IRAG1: variants seen among roughly 807,000 people sequenced by gnomAD.
IRAG1 encodes inositol 1,4,5-triphosphate receptor associated 1.
IRAG1 carries 62 observed loss-of-function variants against 106.2 expected under a neutral mutation model. The observed-to-expected ratio is 0.58, with a 90% CI of 0.48 to 0.72. The LOEUF (loss-of-function observed/expected upper bound fraction) is 0.72, where lower values mean the gene tolerates loss of function less well. Ranked by LOEUF, IRAG1 falls within the 30% of genes least tolerant of loss-of-function variation. IRAG1 has a pLI of 0.00. For synonymous variants in IRAG1, 462 were observed against 443.9 expected, an observed-to-expected ratio of 1.04 and a Z score of -0.51; for missense variants, 1,064 against 1,140.7, an observed-to-expected ratio of 0.93 and a Z score of 0.97.
intron 1 of IRAG1, among the ~76,000 whole-genome samples, chr11:10,656,170 T>A (rs1037126364): frequency 3.9e-5 from 6 of 152,148 alleles, no homozygotes; most frequent in African/African-American, 1.2e-4. Context: ...CACCAACCCA[T>A]AAAAGGAAAA....
At chr11:10,591,660 A>G in intron 17 of IRAG1, 48 bp from the exon 18 acceptor site, 1 of 1,500,024 alleles carries the variant, frequency 6.7e-7, no homozygotes, top group Non-Finnish European at 9.1e-7. Context: ...CTATGGAAGG[A>G]AGAAGCCAGA....
chr11:10,667,596 GA>G (rs1429580290), intron 1 of IRAG1, among the ~76,000 whole-genome samples: 3 of 152,250 alleles, frequency 2.0e-5, no homozygotes, highest in African/African-American at 7.2e-5. Context: ...CTGATAACCA[GA>G]AAATCGACTC....
chr11:10,609,999 G>A, intron 10 of IRAG1, 148 bp from the exon 11 acceptor site: 1 of 803,662 alleles, frequency 1.2e-6, no homozygotes. Flanking sequence ...CTCACAATGA[G>A]CTAGAACTTA....
chr11:10,584,984 C>A (rs2134130647), intron 18 of IRAG1, among the ~76,000 whole-genome samples: 1 of 152,272 alleles, frequency 6.6e-6, no homozygotes, highest in South Asian at 2.1e-4. Flanking sequence ...TTATTTATAT[C>A]ATCAAGGGAG....
At chr11:10,685,490 T>C (rs1861602126) in intron 1 of IRAG1, among the ~76,000 whole-genome samples, 2 of 150,120 alleles carry the variant, frequency 1.3e-5, no homozygotes, top group Admixed American at 6.6e-5. Context: ...GAGGCAAGAG[T>C]ATCACTTGAG....
intron 1 of IRAG1, among the ~76,000 whole-genome samples, chr11:10,656,656 C>T (rs1031537076): frequency 6.6e-6 from 1 of 152,176 alleles, no homozygotes; most frequent in Non-Finnish European, 1.5e-5. Context: ...TCTTTAACCC[C>T]CATGAGATAG....
chr11:10,592,801 G>A (rs1272978552), intron 17 of IRAG1, among the ~76,000 whole-genome samples: 1 of 152,148 alleles, frequency 6.6e-6, no homozygotes, highest in Non-Finnish European at 1.5e-5. Flanking sequence ...ATTGCCTAGA[G>A]ATAACCATTA....
intron 2 of IRAG1, among the ~76,000 whole-genome samples, chr11:10,639,518 G>A (rs1490325741): frequency 6.6e-6 from 1 of 152,096 alleles, no homozygotes; most frequent in Admixed American, 6.6e-5. Context: ...AGCATAGAAG[G>A]AACTTCATTC....
chr11:10,687,557 GA>G (rs933320784), intron 1 of IRAG1: 1 of 746,890 alleles, frequency 1.3e-6, no homozygotes, highest in Non-Finnish European at 1.8e-6. Context: ...TCATACGGGT[GA>G]TATTAGTCTC....
rs1216165938 is a variant in IRAG1, at chr11:10,628,462, C to T, written c.652+289G>A. On this transcript the variant is annotated intron_variant, in intron 6 of 20. Coordinates refer to ENST00000423302, the MANE Select transcript of IRAG1 (RefSeq NM_130385.4). The surrounding 1 kb of genome is among the most constrained non-coding windows in gnomAD (Gnocchi z 4.1). The stretch of plus-strand genomic sequence containing the variant: ...GCTCTTGAGGGCTTCTCTGAGCCTC[C>T]CTGAGCCAGAGAGGCTGTCCTAGTC... 6.6e-6 allele frequency among the ~76,000 whole-genome samples: 1 copy of T among 152,182 alleles called. No individual in the cohort carries two copies. The highest frequency in any genetic ancestry group is 1.5e-5 in the Non-Finnish European group (1 of 68,026).
chr11:10,674,972 G>C (rs1860536110), intron 1 of IRAG1, among the ~76,000 whole-genome samples: 2 of 152,206 alleles, frequency 1.3e-5, no homozygotes, highest in South Asian at 4.1e-4. Context: ...AAGATGTTGG[G>C]GGCTTTGGAC....
chr11:10,673,378 G>C (rs548760205), intron 1 of IRAG1, among the ~76,000 whole-genome samples: 1 of 152,148 alleles, frequency 6.6e-6, no homozygotes, highest in South Asian at 2.1e-4. Flanking sequence ...AAATATTATG[G>C]TAAGTGAAAG....
At chr11:10,604,336 T>C (rs959807415) in intron 13 of IRAG1, 69 bp downstream of exon 13, 1 of 1,590,388 alleles carries the variant, frequency 6.3e-7, no homozygotes, top group Admixed American at 1.7e-5. Context: ...GAGAGAAGCA[T>C]GACACCCTGT....
At chr11:10,675,703 G>A (rs1860599194) in intron 1 of IRAG1, among the ~76,000 whole-genome samples, 1 of 152,180 alleles carries the variant, frequency 6.6e-6, no homozygotes, top group Admixed American at 6.5e-5. Flanking sequence ...TGCACATCCT[G>A]TACTCTACGC....
chr11:10,688,645 G>A (rs1389909818), intron 1 of IRAG1, among the ~76,000 whole-genome samples: 1 of 151,992 alleles, frequency 6.6e-6, no homozygotes, highest in East Asian at 1.9e-4. Context: ...TGGTTTTGCT[G>A]GGATGACTCA....
chr11:10,623,822 C>T lies in IRAG1; in HGVS notation c.1403G>A (p.Gly468Glu). Residue 468 changes from glycine (G) to glutamate (E), a missense_variant, in exon 10 of 21, where the codon GGG becomes GAG. By Grantham distance (98) the Gly-to-Glu change is moderately conservative. Coordinates refer to ENST00000423302, the MANE Select transcript of IRAG1 (RefSeq NM_130385.4). Reference sequence around the variant, plus strand: ...TTCACTAAGGTCTGGAAGCTTGAGCCCCACTAAGTTCTGATTTCTCATCAG... The same window carrying T: ...TTCACTAAGGTCTGGAAGCTTGAGCTCCACTAAGTTCTGATTTCTCATCAG... ...HILMRNQNLV[G>E]LKLPDLSEAA... 1.9e-6 allele frequency: 3 copies of T among 1,614,026 alleles called. No homozygotes were observed. Among genetic ancestry groups the T allele is most frequent in the Admixed American group, 1.7e-5 (1 of 60,024 alleles).
chr11:10,639,369 G>A (rs1857356564), intron 2 of IRAG1, among the ~76,000 whole-genome samples: 1 of 152,186 alleles, frequency 6.6e-6, no homozygotes, highest in South Asian at 2.1e-4. Flanking sequence ...AGCAGACAAG[G>A]AGAACCTCAT....
At chr11:10,597,923 T>A (rs941019771) in intron 15 of IRAG1, among the ~76,000 whole-genome samples, 2 of 152,242 alleles carry the variant, frequency 1.3e-5, no homozygotes, top group Non-Finnish European at 2.9e-5. Flanking sequence ...CATCTTGCTG[T>A]TCTTTTCAAA....
intron 19 of IRAG1, among the ~76,000 whole-genome samples, chr11:10,581,032 T>C (rs1851334188): frequency 6.6e-6 from 1 of 152,198 alleles, no homozygotes; most frequent in Non-Finnish European, 1.5e-5. Flanking sequence ...AGGTACTCAG[T>C]AAATGTTTAC....
Sources: gnomAD v4.1 joint callset for allele counts (sites outside exome capture counted in the v4.1 genomes callset) on GRCh38, gnomAD v4.1.1 for gene constraint, Gnocchi (gnomAD v3.1) non-coding constraint, MANE v1.5 for transcripts, NCBI Gene and HGNC (gene_info 2026-07-23, HGNC 2026-07-21) for gene names.